Variants in FMN2 observed in about 807,000 individuals in gnomAD.
FMN2 encodes the protein formin 2.
A neutral mutation model predicts 142.3 loss-of-function variants in FMN2; 51 were observed. The observed-to-expected ratio is 0.36, with a 90% confidence interval of 0.29 to 0.45. FMN2 has a LOEUF of 0.45. Ranked by LOEUF, FMN2 falls within the 20% of genes least tolerant of loss-of-function variation. FMN2 has a pLI of 1.00. For missense variants in FMN2, 1,936 were observed against 2,122.8 expected (o/e 0.91, Z 1.73); for synonymous variants, 882 against 869.8 (o/e 1.01, Z -0.25).
chr1:240,319,981 G>A (rs1220926641), intron 8 of FMN2, among the ~76,000 whole-genome samples: 2 of 152,154 alleles, frequency 1.3e-5, no homozygotes, highest in African/African-American at 4.8e-5. Flanking sequence ...TGAGTCTAGG[G>A]TGGTGGAGGT....
intron 2 of FMN2, chr1:240,143,934 T>C: frequency 6.7e-7 from 1 of 1,495,632 alleles, no homozygotes; most frequent in Non-Finnish European, 9.3e-7. Flanking sequence ...AGCCCAAAGA[T>C]GGAACCAAGT....
chr1:240,389,698 T>A (rs1292527998), intron 14 of FMN2, among the ~76,000 whole-genome samples: 1 of 152,192 alleles, frequency 6.6e-6, no homozygotes, highest in Non-Finnish European at 1.5e-5. Flanking sequence ...ATGCCTGTAA[T>A]CTCAACACTT....
chr1:240,268,339 A>C (rs1668884928), intron 7 of FMN2, among the ~76,000 whole-genome samples: 1 of 152,098 alleles, frequency 6.6e-6, no homozygotes, highest in South Asian at 2.1e-4. Flanking sequence ...TTTTGAGTAC[A>C]GATAAGTATG....
intron 15 of FMN2, among the ~76,000 whole-genome samples, chr1:240,396,457 T>C (rs1380956282): frequency 6.6e-6 from 1 of 151,348 alleles, no homozygotes; most frequent in African/African-American, 2.4e-5. Context: ...TTTTTTTTTC[T>C]CTTTATAAAT....
rs1253960361 is a variant in FMN2 at position 240,452,053 on chromosome 1, T to C, written c.5060+13843T>C. ...AAAAATACAAAAAATTAGCCAGGTG[T>C]GGTGGCACTCACCTGTAGTCCCAGC... On this transcript the variant is annotated intron_variant, in intron 16 of 17. Coordinates refer to ENST00000319653, the MANE Select transcript of FMN2 (RefSeq NM_020066.5). 3.9e-5 allele frequency among the ~76,000 whole-genome samples: 6 copies of C among 151,950 alleles called. No individual in the cohort carries two copies. The East Asian group carries it at 1.2e-3, about 29-fold the overall frequency.
chr1:240,204,896 C>T (rs564818650), intron 4 of FMN2, among the ~76,000 whole-genome samples: 1 of 152,142 alleles, frequency 6.6e-6, no homozygotes, highest in Non-Finnish European at 1.5e-5. Context: ...TTTTCCACTG[C>T]AAATGGGTTG....
At chr1:240,258,222 T>A (rs1309209303) in intron 7 of FMN2, among the ~76,000 whole-genome samples, 190 bp downstream of exon 7, 1 of 152,182 alleles carries the variant, frequency 6.6e-6, no homozygotes, top group Non-Finnish European at 1.5e-5. Flanking sequence ...GCCTGTGGTG[T>A]TATTTATATA....
chr1:240,436,190 T>C lies in FMN2; in HGVS notation c.4911-1871T>C, dbSNP rs373921279. Among the ~76,000 whole-genome samples, 78 of 152,312 alleles carry C rather than the reference T, an allele frequency of 5.1e-4. 1 individual carries two copies. In the East Asian group the frequency reaches 8.5e-3, roughly 17 times the overall value. ...AGCCCGTGGCAGCCAGATCCTCACA[T>C]AGCGTATGCACTTCACAGCCTGACT... On this transcript the variant is annotated intron_variant, in intron 15 of 17. Coordinates refer to ENST00000319653, the MANE Select transcript of FMN2 (RefSeq NM_020066.5).
chr1:240,368,754 T>A (rs1672764724), intron 14 of FMN2, among the ~76,000 whole-genome samples: 1 of 152,126 alleles, frequency 6.6e-6, no homozygotes, highest in Non-Finnish European at 1.5e-5. Context: ...CAAAGGGGCA[T>A]AATTAGAGGA....
At chr1:240,298,848 G>C (rs538993552) in intron 8 of FMN2, among the ~76,000 whole-genome samples, 1 of 151,992 alleles carries the variant, frequency 6.6e-6, no homozygotes, top group Non-Finnish European at 1.5e-5. Flanking sequence ...AAATCTTATA[G>C]TACTCCTTTC....
At chr1:240,336,274 T>G (rs914494882) in intron 13 of FMN2, among the ~76,000 whole-genome samples, 1 of 152,138 alleles carries the variant, frequency 6.6e-6, no homozygotes, top group African/African-American at 2.4e-5. Flanking sequence ...GCACAGAAGA[T>G]TAGATATTGA....
intron 2 of FMN2, chr1:240,144,990 A>C (rs1663377833): frequency 7.7e-7 from 1 of 1,293,764 alleles, no homozygotes; most frequent in African/African-American, 1.4e-5. Flanking sequence ...GTCATGGCCA[A>C]AACAGAGATG....
intron 8 of FMN2, among the ~76,000 whole-genome samples, chr1:240,296,438 CTTT>C (rs772711130): frequency 2.1e-5 from 1 of 46,910 alleles, no homozygotes; most frequent in South Asian, 1.1e-3. Flanking sequence ...TCTTTGAGTG[CTTT>C]TTTTTTTTTT....
intron 6 of FMN2, among the ~76,000 whole-genome samples, chr1:240,249,209 T>C (rs1236110377): frequency 6.6e-6 from 1 of 152,160 alleles, no homozygotes; most frequent in Non-Finnish European, 1.5e-5. Context: ...CTCTGTTTAC[T>C]TCTAGTAGAT....
rs754622032 is a variant in FMN2 at position 240,438,163 on chromosome 1, C to T, written c.5013C>T (p.Asp1671=). Residue 1671 remains aspartate (D), a synonymous_variant, in exon 16 of 18, where the codon GAC becomes GAT. Coordinates refer to ENST00000319653, the MANE Select transcript of FMN2 (RefSeq NM_020066.5). ...GTATCTGGCATGAATTCAGCTCTGA[C>T]TTTAAAGACTTCTGGAAGAAAGAGA... The part of the protein sequence containing the change: ...FFSIWHEFSS[D]FKDFWKKENK... The T allele has an allele frequency of 2.0e-5, 33 of 1,613,944 alleles. No individual in the cohort carries two copies. In the South Asian group the frequency reaches 3.1e-4, roughly 15 times the overall value.
chr1:240,153,469 C>T (rs1036672135), intron 2 of FMN2, among the ~76,000 whole-genome samples: 3 of 147,594 alleles, frequency 2.0e-5, no homozygotes, highest in Non-Finnish European at 4.4e-5. Context: ...GAAGTGATCT[C>T]CCACCTAAAC....
In FMN2 at chr1:240,298,572, G is replaced by T. The variant is rs28561507; in HGVS notation, c.4215+3689G>T. On this transcript the variant is annotated intron_variant, in intron 8 of 17. Transcript: ENST00000319653. The stretch of plus-strand genomic sequence containing the variant: ...GAGCCACTGGTGAGCAAGCATTACT[G>T]CCTGAGCTCCACTTCCTGTTGGATC... 1.8e-4 allele frequency among the ~76,000 whole-genome samples: 27 copies of T among 152,282 alleles called. No homozygotes were observed. In the East Asian group the frequency reaches 5.2e-3, roughly 29 times the overall value.
chr1:240,464,069 G>T (rs1553268252), intron 16 of FMN2, among the ~76,000 whole-genome samples: 1 of 152,160 alleles, frequency 6.6e-6, no homozygotes, highest in Non-Finnish European at 1.5e-5. Flanking sequence ...GCATGGTGAA[G>T]AGTAAAGACT....
At chr1:240,176,292 T>A (rs1331730995) in intron 2 of FMN2, among the ~76,000 whole-genome samples, 1 of 152,214 alleles carries the variant, frequency 6.6e-6, no homozygotes, top group East Asian at 1.9e-4. Context: ...GCCCAACATG[T>A]AAACATTTAT....
Sources: gnomAD v4.1 joint callset for allele counts (sites outside exome capture counted in the v4.1 genomes callset) on GRCh38, gnomAD v4.1.1 for gene constraint, MANE v1.5 for transcripts, NCBI Gene and HGNC (gene_info 2026-07-23, HGNC 2026-07-21) for gene names.